CLSPN: variants seen among roughly 807,000 people sequenced by gnomAD.
The protein encoded by CLSPN is claspin homolog.
CLSPN carries 85 observed loss-of-function variants against 156.3 expected under a neutral mutation model. The observed-to-expected ratio is 0.54, with a 90% CI of 0.46 to 0.65. The LOEUF (loss-of-function observed/expected upper bound fraction) is 0.65. Among genes scored for constraint, CLSPN ranks in the 30% least tolerant of loss-of-function variants. The pLI is 0.00. For synonymous variants in CLSPN, 534 were observed against 542.4 expected, an observed-to-expected ratio of 0.98 and a Z score of 0.22; for missense variants, 1,407 against 1,554.9, an observed-to-expected ratio of 0.90 and a Z score of 1.60.
chr1:35,745,059 G>A (rs1360567970), intron 16 of CLSPN, among the ~76,000 whole-genome samples: 8 of 151,996 alleles, frequency 5.3e-5, no homozygotes, highest in East Asian at 1.9e-4. Flanking sequence ...ATGATCCACC[G>A]TGCCTGGCCT....
downstream of CLSPN, among the ~76,000 whole-genome samples, chr1:35,728,911 C>T (rs1641251243): frequency 7.2e-6 from 1 of 139,178 alleles, no homozygotes; most frequent in African/African-American, 2.7e-5. Flanking sequence ...TCAACCTCAC[C>T]CTCCCCTCAA....
chr1:35,737,107 C>A, intron 23 of CLSPN, 32 bp from the exon 24 acceptor site: 2 of 1,602,510 alleles, frequency 1.2e-6, no homozygotes, highest in African/African-American at 1.3e-5. Context: ...GGTATCAAAT[C>A]CCAAGTGCCA....
intron 4 of CLSPN, 61 bp downstream of exon 4, chr1:35,763,099 A>T (rs1439549012): frequency 6.1e-6 from 8 of 1,321,348 alleles, no homozygotes; most frequent in African/African-American, 1.5e-5. Context: ...ACAGTAAATT[A>T]AAAATATAGC....
intron 24 of CLSPN, among the ~76,000 whole-genome samples, chr1:35,724,784 AACATT>A (rs2148606139): frequency 6.6e-6 from 1 of 152,314 alleles, no homozygotes; most frequent in East Asian, 1.9e-4. Flanking sequence ...GATTGGAACG[AACATT>A]ATTCCCCAGA....
chr1:35,726,651 A>T (rs1179767724), intron 24 of CLSPN, among the ~76,000 whole-genome samples: 1 of 152,210 alleles, frequency 6.6e-6, no homozygotes, highest in Non-Finnish European at 1.5e-5. Flanking sequence ...GAATGAAGTG[A>T]CCATCCTCAG....
In CLSPN at chr1:35,747,031, C is replaced by T. The variant is rs758596278; in HGVS notation, c.2628-39G>A. 5 of 1,540,674 alleles carry T rather than the reference C, an allele frequency of 3.2e-6. No homozygotes were observed. The Admixed American group carries it at 8.4e-5, about 26-fold the overall frequency. ...AGCACAACGAATAGTGTAAAAAATTCCTCAGAGAGGGCCGGGTGCGGTAGC... is the reference window on the plus strand; with the variant it reads ...AGCACAACGAATAGTGTAAAAAATTTCTCAGAGAGGGCCGGGTGCGGTAGC... On this transcript the variant is annotated intron_variant, in intron 14 of 24. Coordinates refer to ENST00000318121, the MANE Select transcript of CLSPN (RefSeq NM_022111.4).
chr1:35,737,885 A>C, intron 22 of CLSPN, 107 bp downstream of exon 22: 1 of 571,938 alleles, frequency 1.7e-6, no homozygotes. Context: ...AGTATTAGAC[A>C]CAAGCTTATG....
rs943004472 is a variant in CLSPN at position 35,733,080 on chromosome 1, T to C, written c.*3416A>G. 2 of 426,554 alleles carry C rather than the reference T, an allele frequency of 4.7e-6. No individual in the cohort carries two copies. Among genetic ancestry groups the C allele is most frequent in the Admixed American group, 6.4e-5 (1 of 15,534 alleles). 26.4% of individuals were successfully genotyped at this position (426,554 alleles called of 1,614,324 possible). On this transcript the variant is annotated 3_prime_UTR_variant, in exon 25 of 25. Transcript: ENST00000318121. Reference sequence around the variant, plus strand: ...CCCAGGTTCAAGCAATTCTCTTGTCTCAGCCTCCCAAGTAGCTGGGACTAC... The same window carrying C: ...CCCAGGTTCAAGCAATTCTCTTGTCCCAGCCTCCCAAGTAGCTGGGACTAC...
At position 35,747,907 on chromosome 1, in the gene CLSPN, C is replaced by A; in HGVS notation, c.2627G>T (p.Gly876Val). 1.2e-6 allele frequency: 2 copies of A among 1,611,964 alleles called. No homozygotes were observed. Among genetic ancestry groups the A allele is most frequent in the Non-Finnish European group, 1.7e-6 (2 of 1,179,348 alleles). ...CCCACAGAAACACAAAACTACCTAC[C>A]CATCTGCATCCAACAGTTGGCTCTG... ...DTQSQLLDADGFLNVRNHRNQ... is the reference protein window; with the variant it reads ...DTQSQLLDADVFLNVRNHRNQ... The change falls in exon 14 of 25, where the codon GGG becomes GTG. Residue 876 changes from glycine to valine, a missense_variant and splice_region_variant. Transcript: ENST00000318121.
intron 16 of CLSPN, among the ~76,000 whole-genome samples, chr1:35,744,954 C>G (rs1641827219): frequency 6.6e-6 from 1 of 152,168 alleles, no homozygotes; most frequent in Non-Finnish European, 1.5e-5. Context: ...GCTGGGATTA[C>G]AGGCATGCGC....
chr1:35,757,024 C>G (rs577157676), intron 8 of CLSPN, among the ~76,000 whole-genome samples: 1 of 152,284 alleles, frequency 6.6e-6, no homozygotes, highest in East Asian at 1.9e-4. Context: ...CCAGGGAGAT[C>G]ACCCTGTGCT....
Position 35,736,486 on chromosome 1 carries a change from T to G in CLSPN, c.*10A>C. On this transcript the variant is annotated 3_prime_UTR_variant, in exon 25 of 25. Coordinates refer to ENST00000318121, the MANE Select transcript of CLSPN (RefSeq NM_022111.4). ...CAGTCTCAATGTAGATTTTGGCACC[T>G]TTGATGGTGTTAGCTCTCCAAATAT... The G allele has an allele frequency of 6.3e-7, 1 of 1,578,836 alleles. No individual in the cohort carries two copies. The highest frequency in any genetic ancestry group is 8.6e-7 in the Non-Finnish European group (1 of 1,165,370).
intron 20 of CLSPN, among the ~76,000 whole-genome samples, chr1:35,738,795 G>C (rs1294910465): frequency 7.7e-6 from 1 of 130,056 alleles, no homozygotes; most frequent in African/African-American, 2.7e-5. Context: ...CATTGTAACT[G>C]TTTGCTTTTT....
intron 15 of CLSPN, 124 bp from the exon 16 acceptor site, chr1:35,745,686 A>G: frequency 1.5e-6 from 1 of 661,024 alleles, no homozygotes; most frequent in South Asian, 1.8e-5. Flanking sequence ...AGAGCCTACC[A>G]TCTATTCATT....
chr1:35,757,219 C>A (rs759261851), intron 8 of CLSPN, among the ~76,000 whole-genome samples: 1 of 152,136 alleles, frequency 6.6e-6, no homozygotes, highest in Non-Finnish European at 1.5e-5. Flanking sequence ...GCAGCACTTA[C>A]CATCCAGTAT....
intron 8 of CLSPN, among the ~76,000 whole-genome samples, chr1:35,754,382 T>C (rs1304095474): frequency 6.6e-6 from 1 of 152,192 alleles, no homozygotes; most frequent in Non-Finnish European, 1.5e-5. Flanking sequence ...TCTCACTCTA[T>C]TGCCCAGGCT....
chr1:35,741,185 A>G (rs894453263), intron 18 of CLSPN, among the ~76,000 whole-genome samples: 4 of 152,238 alleles, frequency 2.6e-5, no homozygotes, highest in African/African-American at 2.4e-5. Context: ...AAAATTATAC[A>G]TATAGAAAGA....
intron 13 of CLSPN, 85 bp downstream of exon 13, chr1:35,748,320 G>T: frequency 2.4e-6 from 3 of 1,269,422 alleles, no homozygotes; most frequent in Non-Finnish European, 3.4e-6. Flanking sequence ...CCAACGTGGT[G>T]GGAGTTGGTT....
Position 35,737,330 on chromosome 1 carries a change from C to G in CLSPN, c.3747+9G>C, listed in dbSNP as rs752512972. ...CTATGATGTCAGATTAACAAGGTTCCCAACCAACCTGTTGAGCACTTCCTG... is the reference window on the plus strand; with the variant it reads ...CTATGATGTCAGATTAACAAGGTTCGCAACCAACCTGTTGAGCACTTCCTG... On this transcript the variant is annotated intron_variant, in intron 23 of 24. Transcript: ENST00000318121. 83 of 1,611,298 alleles carry G rather than the reference C, an allele frequency of 5.2e-5. No individual in the cohort carries two copies. The highest frequency in any genetic ancestry group is 6.7e-5 in the Non-Finnish European group (79 of 1,177,664).
Sources: allele counts gnomAD v4.1 joint callset (sites outside exome capture counted in the v4.1 genomes callset), GRCh38; gene constraint gnomAD v4.1.1; transcripts MANE v1.5; gene names NCBI Gene and HGNC (gene_info 2026-07-23, HGNC 2026-07-21).